GSE1: variants seen among roughly 807,000 people sequenced by gnomAD.
GSE1 encodes genetic suppressor element 1.
Under a neutral mutation model 112.6 loss-of-function variants are expected in GSE1, and 32 were observed. The observed-to-expected ratio is 0.28, with a 90% CI of 0.21 to 0.38. The LOEUF (loss-of-function observed/expected upper bound fraction) is 0.38. Among genes scored for constraint, GSE1 ranks in the 10% least tolerant of loss-of-function variants. GSE1 has a pLI of 1.00. For synonymous variants in GSE1, 1,115 were observed against 735.6 expected (o/e 1.52, Z -8.35); for missense variants, 2,348 against 1,699.2 (o/e 1.38, Z -6.71).
At chr16:85,563,858 C>T (rs758068812) in intron 1 of GSE1, among the ~76,000 whole-genome samples, 2 of 152,224 alleles carry the variant, frequency 1.3e-5, no homozygotes, top group African/African-American at 2.4e-5. Flanking sequence ...AGGTCCTGCT[C>T]CTGGGTTGGA....
intron 2 of GSE1, among the ~76,000 whole-genome samples, chr16:85,466,704 AGAGAGAGAGGGAGAGAGG>A (rs1434564470): frequency 1.1e-5 from 1 of 95,082 alleles, no homozygotes; most frequent in Non-Finnish European, 1.9e-5. Flanking sequence ...ATATATATAG[AGAGAGAGAGGGAGAGAGG>A]GAGAGAGAGG....
At chr16:85,638,235 G>A (rs968804755) in intron 2 of GSE1, among the ~76,000 whole-genome samples, 7 of 152,232 alleles carry the variant, frequency 4.6e-5, no homozygotes, top group South Asian at 2.1e-4. Context: ...TGTGGCATGC[G>A]CTGCCCTGGG....
intron 1 of GSE1, among the ~76,000 whole-genome samples, chr16:85,562,508 TG>T (rs1172340540): frequency 6.6e-6 from 1 of 152,268 alleles, no homozygotes; most frequent in Non-Finnish European, 1.5e-5. Context: ...CTTTGTACTC[TG>T]GGAGCAAATG....
chr16:85,339,649 A>AGGGGGGGGGGGGGGGGGGG (rs1597434193), intron 1 of GSE1, among the ~76,000 whole-genome samples: 1 of 14,274 alleles, frequency 7.0e-5, no homozygotes. Context: ...CGGCGGGCGC[A>AGGGGGGGGGGGGGGGGGGG]GGGTGGGGGT....
intron 1 of GSE1, among the ~76,000 whole-genome samples, chr16:85,629,916 A>G (rs1297193097): frequency 1.3e-5 from 2 of 152,204 alleles, no homozygotes; most frequent in African/African-American, 4.8e-5. Context: ...GCTTAAACAC[A>G]AAACCTTTGT....
intron 1 of GSE1, among the ~76,000 whole-genome samples, chr16:85,560,301 A>T (rs184985447): frequency 2.8e-4 from 43 of 151,846 alleles, no homozygotes; most frequent in African/African-American, 1.0e-3. Context: ...ACGCCCAAGT[A>T]ATTTTTTGTA....
At chr16:85,260,354 C>T (rs1467556140) in intron 1 of GSE1, among the ~76,000 whole-genome samples, 7 of 108,058 alleles carry the variant, frequency 6.5e-5, no homozygotes, top group Non-Finnish European at 1.0e-4. Context: ...GATGGAGTCT[C>T]GTTCTGTTGC....
rs1224769682 is a variant in GSE1, at chr16:85,361,863, T to TCCCGGGGCAGCCCACAGAGCTTATCAGAC, written c.2464+4221_2464+4249dup. Among the ~76,000 whole-genome samples the TCCCGGGGCAGCCCACAGAGCTTATCAGAC allele has an allele frequency of 7.7e-4, 117 of 152,260 alleles. 1 individual carries two copies. The highest frequency in any genetic ancestry group is 2.6e-3 in the African/African-American group (106 of 41,554). The stretch of plus-strand genomic sequence containing the variant: ...CACTGGGTTCCCTGCCGTCCCAGAC[T>TCCCGGGGCAGCCCACAGAGCTTATCAGAC]CCCGGGGCAGCCCACAGAGCTTATC... On this transcript the variant is annotated intron_variant, in intron 2 of 2. Coordinates refer to the GSE1 transcript ENST00000637419.
At chr16:85,594,973 A>T (rs1348770229) in intron 1 of GSE1, 1 of 153,292 alleles carries the variant, frequency 6.5e-6, no homozygotes, top group Non-Finnish European at 1.5e-5. Flanking sequence ...CCAGGGGGCC[A>T]GGGGAACAGG....
chr16:85,557,704 C>T (rs1309081242), intron 1 of GSE1, among the ~76,000 whole-genome samples: 1 of 150,998 alleles, frequency 6.6e-6, no homozygotes, highest in Non-Finnish European at 1.5e-5. Flanking sequence ...CTGGCCTTTG[C>T]TGCCCTAACC....
At chr16:85,636,386 C>A (rs1216418434) in intron 2 of GSE1, among the ~76,000 whole-genome samples, 6 of 152,208 alleles carry the variant, frequency 3.9e-5, no homozygotes, top group Admixed American at 3.3e-4. Flanking sequence ...CAGGCCTGGG[C>A]CCTCGTCGCC....
At chr16:85,377,430 G>C (rs2047445028) in intron 2 of GSE1, among the ~76,000 whole-genome samples, 1 of 152,224 alleles carries the variant, frequency 6.6e-6, no homozygotes, top group Non-Finnish European at 1.5e-5. Flanking sequence ...CCTGGGGAAA[G>C]AGATGCCAAT....
chr16:85,447,964 T>C (rs916598521), intron 2 of GSE1, among the ~76,000 whole-genome samples: 3 of 152,218 alleles, frequency 2.0e-5, no homozygotes, highest in African/African-American at 7.2e-5. Context: ...CAGGGCTTGC[T>C]GTGGCTTAGT....
chr16:85,588,283 C>T (rs2046801940), intron 1 of GSE1, among the ~76,000 whole-genome samples: 1 of 152,246 alleles, frequency 6.6e-6, no homozygotes, highest in South Asian at 2.1e-4. Flanking sequence ...ACCAGCCTGG[C>T]CGCTCTTGAG....
intron 1 of GSE1, among the ~76,000 whole-genome samples, chr16:85,322,045 T>C (rs1217784641): frequency 6.6e-6 from 1 of 152,216 alleles, no homozygotes; most frequent in Non-Finnish European, 1.5e-5. Context: ...TGCTAGGGGC[T>C]GGCGTGGAGC....
intron 2 of GSE1, among the ~76,000 whole-genome samples, chr16:85,445,440 G>T (rs578185334): frequency 7.9e-5 from 12 of 152,172 alleles, no homozygotes; most frequent in Admixed American, 5.2e-4. Flanking sequence ...CGCACAGCGA[G>T]GGGGGGCGGC....
chr16:85,450,420 C>G (rs1192784216), intron 2 of GSE1, among the ~76,000 whole-genome samples: 1 of 151,474 alleles, frequency 6.6e-6, no homozygotes, highest in African/African-American at 2.4e-5. Context: ...GCCCAGCCAC[C>G]TTACTGTTTT....
At chr16:85,645,271 G>T (rs997044765) in intron 2 of GSE1, among the ~76,000 whole-genome samples, 3 of 152,144 alleles carry the variant, frequency 2.0e-5, no homozygotes, top group Non-Finnish European at 4.4e-5. Flanking sequence ...ATCCTGGTGG[G>T]TGGGAGCGTG....
intron 1 of GSE1, among the ~76,000 whole-genome samples, chr16:85,173,061 G>A (rs1388358517): frequency 6.6e-6 from 1 of 152,236 alleles, no homozygotes; most frequent in African/African-American, 2.4e-5. Context: ...TCCCGTCACA[G>A]ATGCTGAAGC....
Sources: gnomAD v4.1 joint callset for allele counts (sites outside exome capture counted in the v4.1 genomes callset) on GRCh38, gnomAD v4.1.1 for gene constraint, MANE v1.5 for transcripts, NCBI Gene and HGNC (gene_info 2026-07-23, HGNC 2026-07-21) for gene names.